ZNF783: variants seen among roughly 807,000 people sequenced by gnomAD.
The protein encoded by ZNF783 is protein ZNF783.
A neutral mutation model predicts 31.3 loss-of-function variants in ZNF783; 25 were observed. The observed-to-expected ratio is 0.80, with a 90% CI of 0.58 to 1.11. The LOEUF is 1.11. Among genes scored for constraint, ZNF783 ranks in the 50% most tolerant of loss-of-function variants. The pLI, the probability that ZNF783 is intolerant of heterozygous loss-of-function variation, is 0.00. For synonymous variants in ZNF783, 369 were observed against 319.1 expected (o/e 1.16, Z -1.66); for missense variants, 797 against 760.0 (o/e 1.05, Z -0.57).
At chr7:149,274,769 T>A (rs1285365948) in intron 4 of ZNF783, among the ~76,000 whole-genome samples, 1 of 152,264 alleles carries the variant, frequency 6.6e-6, no homozygotes, top group Non-Finnish European at 1.5e-5. Context: ...TGTCTTTTTT[T>A]ATGCCATTAC....
In ZNF783 at chr7:149,281,869, C is replaced by T; in HGVS notation, c.1167C>T (p.Asp389=). The stretch of plus-strand genomic sequence containing the variant: ...GCCGCTCGCCCACCAGCTGCGGGGA[C>T]AGCCAGGCCATGCTGGAGCCGGGGG... ...APGRSPTSCG[D]SQAMLEPGEV... Residue 389 remains aspartate, a synonymous_variant, in exon 6 of 6, where the codon GAC becomes GAT. Coordinates refer to ENST00000434415, the MANE Select transcript of ZNF783 (RefSeq NM_001195220.2). 3 of 1,502,774 alleles carry T rather than the reference C, an allele frequency of 2.0e-6. No individual in the cohort carries two copies. The highest frequency in any genetic ancestry group is 1.8e-4 in the Middle Eastern group (1 of 5,638). 93.1% of individuals were successfully genotyped at this position (1,502,774 alleles called of 1,614,324 possible).
In ZNF783 at chr7:149,282,091, G is replaced by A. The variant is rs1204113037; in HGVS notation, c.1389G>A (p.Gln463=). Residue 463 remains glutamine (Q), a synonymous_variant, in exon 6 of 6, where the codon CAG becomes CAA. Coordinates refer to ENST00000434415, the MANE Select transcript of ZNF783 (RefSeq NM_001195220.2). ...LHQRLHTGNG[Q]GWPACPYCGK... ...AGCGCCTGCACACCGGCAATGGCCA[G>A]GGCTGGCCCGCCTGCCCCTACTGCG... is the stretch of plus-strand genomic sequence containing the variant. The A allele has an allele frequency of 5.0e-6, 8 of 1,596,702 alleles. No homozygotes were observed. The highest frequency in any genetic ancestry group is 6.8e-6 in the Non-Finnish European group (8 of 1,178,958).
rs751909710 is a variant in ZNF783 at position 149,267,214 on chromosome 7, T to G, written c.665T>G (p.Met222Arg). The G allele has an allele frequency of 2.5e-6, 4 of 1,594,212 alleles. No individual in the cohort carries two copies. The African/African-American group carries it at 5.3e-5, about 21-fold the overall frequency. Residue 222 changes from methionine to arginine, a missense_variant, in exon 4 of 6, where the codon ATG (methionine) becomes AGG (arginine). Physicochemically the swap from Met to Arg is moderately conservative, Grantham distance 91. Transcript: ENST00000434415. ...NEVEVGRPRMMGTGLPPYPEH... is the reference protein window; with the variant it reads ...NEVEVGRPRMRGTGLPPYPEH... ...GTAGAGGTGGGACGTCCAAGGATGA[T>G]GGGCACTGGTAAGTATAGGAGCCAG...
chr7:149,281,785 G>A lies in ZNF783; in HGVS notation c.1083G>A (p.Lys361=). The change falls in exon 6 of 6, where the codon AAG becomes AAA. Residue 361 remains lysine (K), a synonymous_variant. Transcript: ENST00000434415. ...ACTGCGGGCAGAGCTTCCGCCTGAA[G>A]ATCAATCTGACGATTCATCAGCGGA... ...CPDCGQSFRL[K]INLTIHQRTH... is the part of the protein sequence containing the mutation. 6.6e-7 allele frequency: 1 copy of A among 1,514,042 alleles called. No homozygotes were observed. Among genetic ancestry groups the A allele is most frequent in the Non-Finnish European group, 8.8e-7 (1 of 1,140,964 alleles). The allele number at this position is 1,514,042 out of a possible 1,614,324, so 93.8% of individuals were successfully genotyped here.
At chr7:149,272,547 C>G (rs554372015) in intron 4 of ZNF783, among the ~76,000 whole-genome samples, 1 of 152,022 alleles carries the variant, frequency 6.6e-6, no homozygotes, top group African/African-American at 2.4e-5. Flanking sequence ...ACCTCTCTTA[C>G]TGAGTGTGGA....
At chr7:149,262,507 G>A (rs1585603588) in intron 1 of ZNF783, 150 bp downstream of exon 1, 4 of 706,818 alleles carry the variant, frequency 5.7e-6, no homozygotes, top group Non-Finnish European at 7.5e-6. Flanking sequence ...CGCCCAGCCC[G>A]CGTCGAAGGC....
At chr7:149,268,324 T>C (rs1041871430) in intron 4 of ZNF783, among the ~76,000 whole-genome samples, 20 of 152,154 alleles carry the variant, frequency 1.3e-4, no homozygotes, top group Admixed American at 1.3e-3. Flanking sequence ...TGGATCCTAA[T>C]TGTAATACAC....
In ZNF783 at chr7:149,282,094, C is replaced by T; in HGVS notation, c.1392C>T (p.Gly464=). 6.3e-7 allele frequency: 1 copy of T among 1,596,836 alleles called. No homozygotes were observed. Among genetic ancestry groups the T allele is most frequent in the Non-Finnish European group, 8.5e-7 (1 of 1,178,922 alleles). ...GCCTGCACACCGGCAATGGCCAGGG[C>T]TGGCCCGCCTGCCCCTACTGCGGCA... is the stretch of plus-strand genomic sequence containing the variant. The part of the protein sequence containing the change: ...HQRLHTGNGQ[G]WPACPYCGKA... The change falls in exon 6 of 6, where the codon GGC becomes GGT. Residue 464 remains glycine (G), a synonymous_variant. Coordinates refer to ENST00000434415, the MANE Select transcript of ZNF783 (RefSeq NM_001195220.2).
At chr7:149,263,304 G>A (rs199868336) in intron 1 of ZNF783, among the ~76,000 whole-genome samples, 8,957 of 63,644 alleles carry the variant, frequency 0.14, 407 homozygotes, top group African/African-American at 0.27. Flanking sequence ...GTGTGTGTGT[G>A]TATATATATA....
chr7:149,273,285 C>A (rs1243605887), intron 4 of ZNF783, among the ~76,000 whole-genome samples: 2 of 152,118 alleles, frequency 1.3e-5, no homozygotes, highest in African/African-American at 4.8e-5. Context: ...GTTTCTGGGT[C>A]ACGTGGTAGT....
intron 5 of ZNF783, among the ~76,000 whole-genome samples, chr7:149,279,632 GTTTTTT>G (rs764203926): frequency 1.1e-4 from 11 of 100,326 alleles, no homozygotes; most frequent in African/African-American, 1.8e-4. Flanking sequence ...TTTTATCTTT[GTTTTTT>G]TTTTTTTTTT....
intron 1 of ZNF783, among the ~76,000 whole-genome samples, chr7:149,262,608 C>A (rs1796953232): frequency 6.6e-6 from 1 of 152,208 alleles, no homozygotes; most frequent in African/African-American, 2.4e-5. Context: ...TCAGCCAGGC[C>A]GGGCCCCAGA....
intron 4 of ZNF783, chr7:149,277,755 A>AAAC (rs10683037): frequency 0.073 from 10,889 of 148,180 alleles, 475 homozygotes; most frequent in African/African-American, 0.095. Context: ...AAAAAAAAAA[A>AAAC]TTCAAAAAAA....
Position 149,269,759 on chromosome 7 carries a change from T to G in ZNF783, c.673+2537T>G, listed in dbSNP as rs190361823. ...TATGTATACATGTGCCATGTTGGTG[T>G]GCTGCACCCATTAACTCGTCACTTA... On this transcript the variant is annotated intron_variant, in intron 4 of 5. Coordinates refer to ENST00000434415, the MANE Select transcript of ZNF783 (RefSeq NM_001195220.2). 3.6e-3 allele frequency among the ~76,000 whole-genome samples: 547 copies of G among 152,238 alleles called. 5 individuals are homozygous for G. The highest frequency in any genetic ancestry group is 0.013 in the African/African-American group (521 of 41,536).
intron 5 of ZNF783, among the ~76,000 whole-genome samples, chr7:149,281,241 C>G (rs1224011432): frequency 3.3e-5 from 5 of 152,228 alleles, no homozygotes; most frequent in Non-Finnish European, 7.3e-5. Flanking sequence ...CTCCCTGGCT[C>G]CTGGCCTTGC....
chr7:149,267,998 T>TCC, intron 4 of ZNF783, among the ~76,000 whole-genome samples: 1 of 152,300 alleles, frequency 6.6e-6, no homozygotes, highest in East Asian at 1.9e-4. Flanking sequence ...GCATGCCCTG[T>TCC]CCTTGTAGCT....
Position 149,262,279 on chromosome 7 carries a change from C to T in ZNF783, c.-55C>T. On this transcript the variant is annotated 5_prime_UTR_variant, in exon 1 of 6. Coordinates refer to ENST00000434415, the MANE Select transcript of ZNF783 (RefSeq NM_001195220.2). ...TTCCGCCGTCGCTGCCGCGCCGCCC[C>T]GGGCCCGACAGGCCGGGTCCAGGGA... is the stretch of plus-strand genomic sequence containing the variant. 1 of 1,326,750 alleles carries T rather than the reference C, an allele frequency of 7.5e-7. No individual in the cohort carries two copies. The highest frequency in any genetic ancestry group is 9.7e-7 in the Non-Finnish European group (1 of 1,035,222). 82.2% of individuals were successfully genotyped at this position (1,326,750 alleles called of 1,614,324 possible). A position where few individuals can be genotyped will look rare whatever the true frequency, so the allele number is the denominator to read the frequency against.
At chr7:149,273,434 A>G (rs758503068) in intron 4 of ZNF783, among the ~76,000 whole-genome samples, 2 of 152,184 alleles carry the variant, frequency 1.3e-5, no homozygotes, top group Non-Finnish European at 2.9e-5. Context: ...TCTTTTGGAT[A>G]AAAGACATCT....
intron 4 of ZNF783, chr7:149,277,423 C>T (rs1276981004): frequency 2.0e-5 from 3 of 152,052 alleles, no homozygotes; most frequent in Non-Finnish European, 4.4e-5. Flanking sequence ...TAGTTTTTTT[C>T]TTATCATCTT....
Sources: gnomAD v4.1 joint callset for allele counts (sites outside exome capture counted in the v4.1 genomes callset) on GRCh38, gnomAD v4.1.1 for gene constraint, MANE v1.5 for transcripts, NCBI Gene and HGNC (gene_info 2026-07-23, HGNC 2026-07-21) for gene names.